DNAH3: variants seen among roughly 807,000 people sequenced by gnomAD.
The protein encoded by DNAH3 is axonemal beta dynein heavy chain 3.
Under a neutral mutation model 432.5 loss-of-function variants are expected in DNAH3, and 332 were observed. That is an observed-to-expected ratio of 0.77 (90% CI 0.70 to 0.84). The LOEUF (loss-of-function observed/expected upper bound fraction) is 0.84. Ranked by LOEUF, DNAH3 falls within the 40% of genes least tolerant of loss-of-function variation. The pLI is 0.00. For missense variants in DNAH3, 4,861 were observed against 5,114.0 expected (o/e 0.95, Z 1.51); for synonymous variants, 1,956 against 1,900.2 (o/e 1.03, Z -0.76).
At chr16:21,057,036 C>G (rs145973627) in intron 27 of DNAH3, among the ~76,000 whole-genome samples, 4 of 152,250 alleles carry the variant, frequency 2.6e-5, no homozygotes, top group Admixed American at 6.5e-5. Flanking sequence ...AGCCAATCCT[C>G]TAAGAGGAGT....
At chr16:21,002,870 TAAA>T in intron 42 of DNAH3, among the ~76,000 whole-genome samples, 1 of 152,258 alleles carries the variant, frequency 6.6e-6, no homozygotes, top group African/African-American at 2.4e-5. Context: ...TCTGCAACCA[TAAA>T]TGTTCCCCCC....
At position 21,143,860 on chromosome 16, in the gene DNAH3, G is replaced by T. The variant is rs181002481; in HGVS notation, c.448+1321C>A. On this transcript the variant is annotated intron_variant, in intron 3 of 61. Transcript: ENST00000261383. Reference sequence around the variant, plus strand: ...AAAACCATAAGTAATCAGAAAATTTGAAATGGAAAGATAGTCATTTAAACA... The same window carrying T: ...AAAACCATAAGTAATCAGAAAATTTTAAATGGAAAGATAGTCATTTAAACA... 2.4e-3 allele frequency among the ~76,000 whole-genome samples: 362 copies of T among 152,224 alleles called. 2 individuals carry two copies. The highest frequency in any genetic ancestry group is 8.6e-3 in the African/African-American group (356 of 41,542).
intron 21 of DNAH3, among the ~76,000 whole-genome samples, chr16:21,073,448 C>T (rs1016450759): frequency 1.3e-5 from 2 of 152,156 alleles, no homozygotes; most frequent in Non-Finnish European, 2.9e-5. Flanking sequence ...CTGGGTCACC[C>T]TTGCTGGGAG....
chr16:21,020,374 A>T (rs12919302), intron 40 of DNAH3, among the ~76,000 whole-genome samples: 20 of 38,124 alleles, frequency 5.2e-4, no homozygotes, highest in African/African-American at 1.1e-3. Context: ...ATATAAAATC[A>T]CTATATATAT....
At chr16:20,998,610 A>T (rs1257733496) in intron 43 of DNAH3, among the ~76,000 whole-genome samples, 1 of 151,972 alleles carries the variant, frequency 6.6e-6, no homozygotes, top group Non-Finnish European at 1.5e-5. Context: ...AGACTTCCCG[A>T]AGGGCAGGGA....
At chr16:21,057,756 G>T (rs763772572) in intron 27 of DNAH3, among the ~76,000 whole-genome samples, 20 of 152,100 alleles carry the variant, frequency 1.3e-4, no homozygotes, top group Non-Finnish European at 2.8e-4. Context: ...GCAGATGGTG[G>T]CCCCTTGGCT....
chr16:21,094,939 T>TC (rs1260024698), intron 18 of DNAH3, among the ~76,000 whole-genome samples: 3 of 152,182 alleles, frequency 2.0e-5, no homozygotes, highest in Non-Finnish European at 4.4e-5. Flanking sequence ...CCTTTGCTCC[T>TC]CCTTCACCTT....
chr16:21,082,864 A>G (rs1474241558), intron 19 of DNAH3, among the ~76,000 whole-genome samples: 1 of 151,582 alleles, frequency 6.6e-6, no homozygotes, highest in African/African-American at 2.4e-5. Flanking sequence ...GGCTCACGTT[A>G]TATTTGTACT....
intron 18 of DNAH3, among the ~76,000 whole-genome samples, chr16:21,093,533 C>G (rs982116796): frequency 3.3e-5 from 5 of 152,120 alleles, no homozygotes; most frequent in African/African-American, 1.2e-4. Flanking sequence ...ACATTTCCAA[C>G]AAAATCCCAG....
At position 20,969,956 on chromosome 16, in the gene DNAH3, G is replaced by A. The variant is rs2085259475; in HGVS notation, c.8294C>T (p.Pro2765Leu). The change falls in exon 52 of 62, where the codon CCT (proline) becomes CTT (leucine). Residue 2765 changes from proline to leucine, a missense_variant. Physicochemically the swap from Pro to Leu is moderately conservative, Grantham distance 98. Transcript: ENST00000261383. The stretch of plus-strand genomic sequence containing the variant: ...AGCAGCTAGTGCAGCCTCGAGTGCA[G>A]GCATTGCCTCAGCTAGGTCCCCCTC... 2.5e-6 allele frequency: 4 copies of A among 1,614,012 alleles called. No homozygotes were observed. In the Admixed American group the frequency reaches 5.0e-5, roughly 20 times the overall value.
exon 29 of DNAH3, chr16:21,051,672 G>A (rs1424051496): frequency 1.9e-6 from 3 of 1,612,894 alleles, no homozygotes; most frequent in Admixed American, 3.3e-5. Context: ...GAGTGTACCT[G>A]TAGCAGCGGT....
At chr16:20,975,354 T>C (rs769244344) in exon 51 of DNAH3, 1 of 1,614,232 alleles carries the variant, frequency 6.2e-7, no homozygotes, top group Non-Finnish European at 8.5e-7. Context: ...CTTGGCAGTT[T>C]CCTCGGAGGT....
At chr16:21,095,755 T>C (rs1333701846) in intron 18 of DNAH3, among the ~76,000 whole-genome samples, 1 of 152,158 alleles carries the variant, frequency 6.6e-6, no homozygotes, top group Admixed American at 6.6e-5. Context: ...ATAAAAACAC[T>C]TGGTAATTTA....
Position 21,124,236 on chromosome 16 carries a change from A to C in DNAH3, c.1404+939T>G, listed in dbSNP as rs544101286. On this transcript the variant is annotated intron_variant, in intron 9 of 61. Transcript: ENST00000261383. ...CCATATCTACAATGAAACCTACAGC[A>C]CTCCCTCAATATCAAGCCAAAGATT... Among the ~76,000 whole-genome samples the C allele has an allele frequency of 1.1e-4, 17 of 152,090 alleles. No homozygotes were observed. The South Asian group carries it at 3.5e-3, about 32-fold the overall frequency.
rs528564839 is a variant in DNAH3 at position 20,965,035 on chromosome 16, T to C, written c.8849A>G (p.Lys2950Arg). The stretch of plus-strand genomic sequence containing the variant: ...TTCAATGTTTTCCTCCAAGTCCTTT[T>C]TCTTGGTGTTCATCTCTTCAAAGTC... Residue 2950 changes from lysine (K) to arginine (R), a missense_variant, in exon 53 of 62, where the codon AAA (lysine) becomes AGA (arginine). Physicochemically the swap from Lys to Arg is conservative, Grantham distance 26. Transcript: ENST00000261383. The C allele has an allele frequency of 6.8e-6, 11 of 1,614,158 alleles. No homozygotes were observed. The East Asian group carries it at 1.3e-4, about 20-fold the overall frequency.
At chr16:21,034,963 A>G (rs2089087338) in intron 35 of DNAH3, among the ~76,000 whole-genome samples, 1 of 152,230 alleles carries the variant, frequency 6.6e-6, no homozygotes, top group Non-Finnish European at 1.5e-5. Flanking sequence ...AGCAGAGAAC[A>G]ATACAAAATC....
At chr16:21,152,210 C>T (rs898527952) in intron 1 of DNAH3, among the ~76,000 whole-genome samples, 1 of 151,936 alleles carries the variant, frequency 6.6e-6, no homozygotes, top group East Asian at 1.9e-4. Context: ...CCAGCCTGGG[C>T]AACAAGAGCG....
intron 47 of DNAH3, among the ~76,000 whole-genome samples, chr16:20,986,556 G>A (rs1597061286): frequency 6.6e-6 from 1 of 152,056 alleles, no homozygotes; most frequent in African/African-American, 2.4e-5. Context: ...GAGTATGAAC[G>A]CTTTAATCAG....
intron 48 of DNAH3, among the ~76,000 whole-genome samples, chr16:20,984,737 C>T (rs192514044): frequency 2.9e-4 from 44 of 152,112 alleles, no homozygotes; most frequent in Admixed American, 2.3e-3. Flanking sequence ...GTGTGGTACG[C>T]GCCTGCAATC....
Sources: allele counts gnomAD v4.1 joint callset (sites outside exome capture counted in the v4.1 genomes callset), GRCh38; gene constraint gnomAD v4.1.1; transcripts MANE v1.5; gene names NCBI Gene and HGNC (gene_info 2026-07-23, HGNC 2026-07-21).